Variants in MIPOL1 observed in about 807,000 individuals in gnomAD.
MIPOL1 encodes the protein mirror-image polydactyly 1.
MIPOL1 carries 57 observed loss-of-function variants against 60.9 expected under a neutral mutation model. That is an observed-to-expected ratio of 0.94 (90% CI 0.76 to 1.17). The LOEUF is 1.17. Ranked by LOEUF, MIPOL1 falls within the 50% of genes most tolerant of loss-of-function variation. The pLI, the probability that MIPOL1 is intolerant of heterozygous loss-of-function variation, is 0.00. For synonymous variants in MIPOL1, 179 were observed against 168.8 expected (o/e 1.06, Z -0.47); for missense variants, 551 against 511.6 (o/e 1.08, Z -0.74).
At chr14:37,540,576 C>T (rs891507281) in intron 12 of MIPOL1, among the ~76,000 whole-genome samples, 3 of 152,064 alleles carry the variant, frequency 2.0e-5, no homozygotes, top group African/African-American at 7.2e-5. Flanking sequence ...ATTGCCTGTC[C>T]TCTTCCTTAC....
At chr14:37,278,606 T>G (rs1411670681) in intron 6 of MIPOL1, 1 of 151,872 alleles carries the variant, frequency 6.6e-6, no homozygotes, top group Non-Finnish European at 1.5e-5. Flanking sequence ...TTTTTCCTTC[T>G]TTTTAATTTA....
In MIPOL1 at chr14:37,426,628, GTA is replaced by G. The variant is rs200303566; in HGVS notation, c.1031+3691_1031+3692del. 9.1e-3 allele frequency among the ~76,000 whole-genome samples: 949 copies of G among 104,476 alleles called. 6 individuals carry two copies. Among genetic ancestry groups the G allele is most frequent in the African/African-American group, 0.027 (774 of 28,290 alleles). The allele number at this position is 104,476 out of a possible 152,430, so 68.5% of individuals were successfully genotyped here. A position where few individuals can be genotyped will look rare whatever the true frequency, so the allele number is the denominator to read the frequency against. On this transcript the variant is annotated intron_variant, in intron 11 of 12. Coordinates refer to ENST00000684589, the MANE Select transcript of MIPOL1 (RefSeq NM_001388067.1). Reference sequence around the variant, plus strand: ...ACATACATATATAATATGTATATATGTATATATATATATTATATATGTGTATA... The same window carrying G: ...ACATACATATATAATATGTATATATGTATATATATATTATATATGTGTATA...
At chr14:37,426,096 G>A (rs1314850720) in intron 11 of MIPOL1, among the ~76,000 whole-genome samples, 3 of 152,058 alleles carry the variant, frequency 2.0e-5, no homozygotes, top group Non-Finnish European at 2.9e-5. Context: ...GCTAATTTGA[G>A]GAAGCCACAA....
intron 12 of MIPOL1, among the ~76,000 whole-genome samples, chr14:37,535,381 T>G (rs556009423): frequency 6.6e-6 from 1 of 152,190 alleles, no homozygotes; most frequent in Non-Finnish European, 1.5e-5. Context: ...AATCCAAGTT[T>G]CTTGCTGAAT....
intron 11 of MIPOL1, among the ~76,000 whole-genome samples, chr14:37,432,241 C>G (rs138307042): frequency 5.9e-5 from 9 of 152,320 alleles, no homozygotes; most frequent in African/African-American, 1.4e-4. Flanking sequence ...CATAGTTATT[C>G]ACAGTGGCTC....
At chr14:37,332,136 CA>C (rs560503993) in intron 9 of MIPOL1, among the ~76,000 whole-genome samples, 203 of 141,936 alleles carry the variant, frequency 1.4e-3, no homozygotes, top group Admixed American at 1.3e-3. Flanking sequence ...AGACTCCTCT[CA>C]AAAAAAAAAA....
intron 10 of MIPOL1, among the ~76,000 whole-genome samples, chr14:37,389,867 C>T (rs1445128292): frequency 6.6e-6 from 1 of 151,570 alleles, no homozygotes; most frequent in East Asian, 1.9e-4. Flanking sequence ...TAAAAACAAA[C>T]AAAAAGTCTG....
intron 1 of MIPOL1, among the ~76,000 whole-genome samples, chr14:37,221,419 A>G (rs1968732495): frequency 6.6e-6 from 1 of 152,208 alleles, no homozygotes; most frequent in African/African-American, 2.4e-5. Flanking sequence ...CCCACCTGTT[A>G]ATACTGTCAC....
intron 10 of MIPOL1, among the ~76,000 whole-genome samples, chr14:37,383,541 A>G (rs1041342015): frequency 1.3e-5 from 2 of 151,890 alleles, no homozygotes; most frequent in East Asian, 3.9e-4. Flanking sequence ...TCAGGTTTTA[A>G]GTCTGAGGTG....
At chr14:37,227,562 C>T (rs1969951406) in intron 1 of MIPOL1, among the ~76,000 whole-genome samples, 2 of 152,042 alleles carry the variant, frequency 1.3e-5, no homozygotes, top group Admixed American at 1.3e-4. Context: ...GAGTCTCAGG[C>T]ACCACAGAAT....
chr14:37,306,604 A>T (rs922475286), intron 7 of MIPOL1, among the ~76,000 whole-genome samples: 1 of 151,866 alleles, frequency 6.6e-6, no homozygotes, highest in South Asian at 2.1e-4. Context: ...TTCTCACCAC[A>T]TATAACTTCC....
chr14:37,286,945 A>G (rs56169765), intron 7 of MIPOL1, among the ~76,000 whole-genome samples: 1,782 of 152,226 alleles, frequency 0.012, 13 homozygotes, highest in Non-Finnish European at 0.019. Flanking sequence ...AATTAATTGG[A>G]TAAAAATCAA....
intron 10 of MIPOL1, among the ~76,000 whole-genome samples, chr14:37,420,019 G>A (rs540928321): frequency 6.6e-6 from 1 of 151,464 alleles, no homozygotes; most frequent in Admixed American, 6.6e-5. Context: ...GGGAAATGAG[G>A]CATGAGCTAC....
At chr14:37,380,954 C>T (rs1028703885) in intron 10 of MIPOL1, among the ~76,000 whole-genome samples, 1 of 152,124 alleles carries the variant, frequency 6.6e-6, no homozygotes, top group Non-Finnish European at 1.5e-5. Context: ...ACCTTTGTGT[C>T]ACCTGGTCTT....
At chr14:37,505,968 A>G (rs200624379) in intron 12 of MIPOL1, 4 of 56,122 alleles carry the variant, frequency 7.1e-5, no homozygotes, top group Non-Finnish European at 9.4e-5. Flanking sequence ...AAAACAGACA[A>G]ACAGCCAAAT....
At chr14:37,285,481 G>A in intron 7 of MIPOL1, 34 bp downstream of exon 7, 1 of 1,599,678 alleles carries the variant, frequency 6.3e-7, no homozygotes, top group Non-Finnish European at 8.5e-7. Flanking sequence ...TATGATATTA[G>A]GAACACTTAT....
chr14:37,466,646 A>C (rs560864575), intron 11 of MIPOL1, among the ~76,000 whole-genome samples: 1 of 152,182 alleles, frequency 6.6e-6, no homozygotes, highest in Non-Finnish European at 1.5e-5. Context: ...ATTCTTGTCA[A>C]ATCTTTTCGC....
chr14:37,253,219 T>C (rs1246374664), intron 3 of MIPOL1, among the ~76,000 whole-genome samples: 1 of 151,836 alleles, frequency 6.6e-6, no homozygotes, highest in African/African-American at 2.4e-5. Context: ...TAAAATGTTA[T>C]GGTGGAAAGA....
rs2095553852 is a variant in MIPOL1 at position 37,548,504 on chromosome 14, T to C, written c.*1533T>C. The C allele has an allele frequency of 6.6e-6, 1 of 152,050 alleles. No individual in the cohort carries two copies. 9.4% of individuals were successfully genotyped at this position (152,050 alleles called of 1,614,324 possible). On this transcript the variant is annotated 3_prime_UTR_variant, in exon 13 of 13. Transcript: ENST00000684589. Reference sequence around the variant, plus strand: ...TAGTCCTAAAGAGAATTATATCCTCTCATAGACCAATGACTCTATAATAGA... The same window carrying C: ...TAGTCCTAAAGAGAATTATATCCTCCCATAGACCAATGACTCTATAATAGA...
Sources: gnomAD v4.1 joint callset for allele counts (sites outside exome capture counted in the v4.1 genomes callset) on GRCh38, gnomAD v4.1.1 for gene constraint, MANE v1.5 for transcripts, NCBI Gene and HGNC (gene_info 2026-07-23, HGNC 2026-07-21) for gene names.